The following EIF2A variants were observed in gnomAD, a reference collection of about 807,000 sequenced individuals.
The protein encoded by EIF2A is 65 kDa eukaryotic translation initiation factor 2A.
Under a neutral mutation model 75.2 loss-of-function variants are expected in EIF2A, and 62 were observed. That is an observed-to-expected ratio of 0.82 (90% CI 0.67 to 1.02). The LOEUF (loss-of-function observed/expected upper bound fraction) is 1.02, where lower values mean the gene tolerates loss of function less well. Among genes scored for constraint, EIF2A ranks in the 50% least tolerant of loss-of-function variants. The pLI, the probability that EIF2A is intolerant of heterozygous loss-of-function variation, is 0.00. For synonymous variants in EIF2A, 207 were observed against 239.0 expected (o/e 0.87, Z 1.23); for missense variants, 611 against 677.7 (o/e 0.90, Z 1.09).
At position 150,568,053 on chromosome 3, in the gene EIF2A, T is replaced by C. The variant is rs1372933377; in HGVS notation, c.694+7T>C. ...ATGCTGTGGAATAAAAAAGGTATGT[T>C]AAGTATATTTTATCCCTCCCTTTGT... On this transcript the variant is annotated splice_region_variant and intron_variant, in intron 8 of 13. Coordinates refer to ENST00000460851, the MANE Select transcript of EIF2A (RefSeq NM_032025.5). 2 of 1,606,122 alleles carry C rather than the reference T, an allele frequency of 1.2e-6. No homozygotes were observed. The highest frequency in any genetic ancestry group is 2.7e-5 in the African/African-American group (2 of 74,454).
Position 150,562,619 on chromosome 3 carries a change from C to T in EIF2A, c.251C>T (p.Ser84Leu). 1 of 1,613,492 alleles carries T rather than the reference C, an allele frequency of 6.2e-7. No individual in the cohort carries two copies. The highest frequency in any genetic ancestry group is 8.5e-7 in the Non-Finnish European group (1 of 1,179,632). Residue 84 changes from serine (S) to leucine (L), a missense_variant, in exon 4 of 14, where the codon TCA (serine) becomes TTA (leucine). By Grantham distance (145) the Ser-to-Leu change is moderately radical. Coordinates refer to ENST00000460851, the MANE Select transcript of EIF2A (RefSeq NM_032025.5). The stretch of plus-strand genomic sequence containing the variant: ...CTGAAGGCAGTTTGCCTTGAATTCT[C>T]ACCCAAAAATACTGTCCTGGCAACG... ...DLLKAVCLEFSPKNTVLATWQ... is the reference protein window; with the variant it reads ...DLLKAVCLEFLPKNTVLATWQ...
chr3:150,577,096 C>T (rs1285369653), intron 11 of EIF2A, among the ~76,000 whole-genome samples: 1 of 152,146 alleles, frequency 6.6e-6, no homozygotes, highest in East Asian at 1.9e-4. Flanking sequence ...CTGGTGAGAA[C>T]CCGTTCATCA....
chr3:150,568,106 C>T, intron 8 of EIF2A, 60 bp downstream of exon 8: 1 of 1,599,794 alleles, frequency 6.3e-7, no homozygotes, highest in Non-Finnish European at 8.5e-7. Context: ...AGGCTATATT[C>T]CTATGTGTAT....
rs771491175 is a variant in EIF2A at position 150,549,404 on chromosome 3, G to A, written c.28+2574G>A. 1.6e-4 allele frequency among the ~76,000 whole-genome samples: 24 copies of A among 152,116 alleles called. 1 individual carries two copies. The South Asian group carries it at 1.7e-3, about 11-fold the overall frequency. On this transcript the variant is annotated intron_variant, in intron 1 of 13. Transcript: ENST00000460851. ...CAGCTAATTTTGTATTTTTAGTAGAGTTGGGGTTTCACCAAGTTGGTCAGG... is the reference window on the plus strand; with the variant it reads ...CAGCTAATTTTGTATTTTTAGTAGAATTGGGGTTTCACCAAGTTGGTCAGG...
intron 4 of EIF2A, 69 bp downstream of exon 4, chr3:150,562,729 T>C (rs1377757286): frequency 1.0e-5 from 12 of 1,149,320 alleles, no homozygotes; most frequent in African/African-American, 3.1e-5. Context: ...GAAAAAGTTA[T>C]AAAGTTTATA....
intron 4 of EIF2A, among the ~76,000 whole-genome samples, chr3:150,563,159 TA>T (rs1468476713): frequency 6.6e-6 from 1 of 152,152 alleles, no homozygotes; most frequent in Non-Finnish European, 1.5e-5. Context: ...ATAAAATAGT[TA>T]TAGGGGCTTA....
At chr3:150,552,129 A>G (rs145755227) in intron 1 of EIF2A, among the ~76,000 whole-genome samples, 189 of 152,304 alleles carry the variant, frequency 1.2e-3, no homozygotes, top group African/African-American at 4.3e-3. Context: ...AGTGGTGACA[A>G]AGTTTCGAGT....
chr3:150,580,429 C>CA (rs1725116594), intron 11 of EIF2A, among the ~76,000 whole-genome samples: 2 of 152,088 alleles, frequency 1.3e-5, no homozygotes, highest in African/African-American at 4.8e-5. Flanking sequence ...TATGGTCTCT[C>CA]AAAATATCTA....
At chr3:150,566,994 G>C (rs1029959249) in intron 6 of EIF2A, 1 of 152,218 alleles carries the variant, frequency 6.6e-6, no homozygotes, top group African/African-American at 2.4e-5. Context: ...TCACCTCACT[G>C]TTTCTGGGTT....
At chr3:150,565,167 C>G (rs73001339) in intron 6 of EIF2A, 1 of 456,394 alleles carries the variant, frequency 2.2e-6, no homozygotes, top group East Asian at 7.0e-5. Flanking sequence ...TTAACATGTT[C>G]ATCTGTCCCC....
chr3:150,557,858 T>C (rs1363142614), intron 2 of EIF2A, among the ~76,000 whole-genome samples: 1 of 152,218 alleles, frequency 6.6e-6, no homozygotes, highest in East Asian at 1.9e-4. Context: ...TTTGTTGTTA[T>C]TTAGCAATTC....
intron 13 of EIF2A, 59 bp downstream of exon 13, chr3:150,583,324 A>G (rs1725299444): frequency 6.6e-7 from 1 of 1,514,304 alleles, no homozygotes; most frequent in Non-Finnish European, 9.0e-7. Context: ...CCCTTTTATT[A>G]TAAACAAGTA....
Position 150,552,378 on chromosome 3 carries a change from C to T in EIF2A, c.51C>T (p.Tyr17=). 9 of 1,552,912 alleles carry T rather than the reference C, an allele frequency of 5.8e-6. No individual in the cohort carries two copies. Among genetic ancestry groups the T allele is most frequent in the Non-Finnish European group, 7.0e-6 (8 of 1,147,424 alleles). The part of the protein sequence containing the change: ...LLTVRGSEGL[Y]MVNGPPHFTE... ...TAGTCCGAGGATCAGAAGGACTGTA[C>T]ATGGTGAATGGACCACCACATTTTA... The change falls in exon 2 of 14, where the codon TAC becomes TAT. Residue 17 remains tyrosine, a synonymous_variant. Transcript: ENST00000460851.
chr3:150,548,239 A>G (rs9872641), intron 1 of EIF2A, among the ~76,000 whole-genome samples: 47,910 of 151,730 alleles, frequency 0.32, 8,267 homozygotes, highest in East Asian at 0.49. Flanking sequence ...GATTTGGCAA[A>G]CTCTTTTTCA....
Position 150,581,685 on chromosome 3 carries a change from C to T in EIF2A, c.1565C>T (p.Thr522Ile), listed in dbSNP as rs1383551543. 7.7e-6 allele frequency: 12 copies of T among 1,553,498 alleles called. No individual in the cohort carries two copies. The highest frequency in any genetic ancestry group is 1.4e-5 in the African/African-American group (1 of 73,122). The change falls in exon 12 of 14, where the codon ACT becomes ATT. Residue 522 changes from threonine to isoleucine, a missense_variant. Thr to Ile is a moderately conservative substitution (Grantham distance 89). Coordinates refer to ENST00000460851, the MANE Select transcript of EIF2A (RefSeq NM_032025.5). ...GCCCCACAGAGCACACCACGAAACA[C>T]TGTCTCTCAGTCAATTTCTGGGGAC... is the stretch of plus-strand genomic sequence containing the variant. ...TPAPQSTPRN[T>I]VSQSISGDPE...
chr3:150,581,754 A>G lies in EIF2A; in HGVS notation c.1626+8A>G. 1 of 1,556,816 alleles carries G rather than the reference A, an allele frequency of 6.4e-7. No individual in the cohort carries two copies. The highest frequency in any genetic ancestry group is 8.7e-7 in the Non-Finnish European group (1 of 1,149,648). ...ATCAAGAACCTAAAGAAGGTGAGAG[A>G]CTTAAAAACAGATGTGCATATTGAA... is the stretch of plus-strand genomic sequence containing the variant. On this transcript the variant is annotated splice_region_variant and intron_variant, in intron 12 of 13. Transcript: ENST00000460851.
In EIF2A at chr3:150,584,131, A is replaced by T; in HGVS notation, c.*220A>T. 1 of 428,940 alleles carries T rather than the reference A, an allele frequency of 2.3e-6. No individual in the cohort carries two copies. The highest frequency in any genetic ancestry group is 3.8e-5 in the East Asian group (1 of 26,258). The allele number at this position is 428,940 out of a possible 1,614,324, so 26.6% of individuals were successfully genotyped here. A position where few individuals can be genotyped will look rare whatever the true frequency, so the allele number is the denominator to read the frequency against. Reference sequence around the variant, plus strand: ...TATCATGTCAATATGTGATATAGAAAAGAGATACGTGAATTTTTTAGCTAA... The same window carrying T: ...TATCATGTCAATATGTGATATAGAATAGAGATACGTGAATTTTTTAGCTAA... On this transcript the variant is annotated 3_prime_UTR_variant, in exon 14 of 14. Transcript: ENST00000460851.
intron 2 of EIF2A, among the ~76,000 whole-genome samples, chr3:150,554,448 A>T (rs545310831): frequency 5.9e-5 from 9 of 152,312 alleles, no homozygotes; most frequent in African/African-American, 2.2e-4. Flanking sequence ...CCATTTTGTA[A>T]TCCTCAAGAA....
intron 2 of EIF2A, among the ~76,000 whole-genome samples, chr3:150,553,248 C>T (rs1259239964): frequency 6.7e-6 from 1 of 148,752 alleles, no homozygotes. Context: ...GCTTGAAACC[C>T]GGAGGTGGAG....
Sources: allele counts gnomAD v4.1 joint callset (sites outside exome capture counted in the v4.1 genomes callset), GRCh38; gene constraint gnomAD v4.1.1; transcripts MANE v1.5; gene names NCBI Gene and HGNC (gene_info 2026-07-23, HGNC 2026-07-21).